MED4: variants seen among roughly 807,000 people sequenced by gnomAD.
The protein encoded by MED4 is mediator of RNA polymerase II transcription subunit 4.
In MED4, 21 loss-of-function variants were observed where a neutral mutation model predicts 35.0. That is an observed-to-expected ratio of 0.60 (90% CI 0.43 to 0.86). MED4 has a LOEUF of 0.86. Among genes scored for constraint, MED4 ranks in the 40% least tolerant of loss-of-function variants. The probability of loss-of-function intolerance (pLI) is 0.00; values close to 1 mark genes in which losing one functional copy is unlikely to be tolerated. For missense variants in MED4, 300 were observed against 319.4 expected (o/e 0.94, Z 0.46); for synonymous variants, 138 against 114.0 (o/e 1.21, Z -1.34).
intron 1 of MED4, among the ~76,000 whole-genome samples, chr13:48,091,478 T>C (rs1490895396): frequency 2.0e-5 from 3 of 152,230 alleles, no homozygotes; most frequent in Non-Finnish European, 4.4e-5. Context: ...TACCTTCAAA[T>C]TTCCACCTTC....
intron 2 of MED4, 103 bp downstream of exon 2, chr13:48,090,249 C>A: frequency 1.2e-6 from 1 of 869,114 alleles, no homozygotes. Context: ...CATTCCTGTT[C>A]CCACACAAAG....
intron 3 of MED4, among the ~76,000 whole-genome samples, chr13:48,083,933 T>C (rs1443172907): frequency 6.6e-6 from 1 of 152,170 alleles, no homozygotes; most frequent in African/African-American, 2.4e-5. Flanking sequence ...TAACCTAGTA[T>C]ATGCATATCT....
rs1950754640 is a variant in MED4 at position 48,075,852 on chromosome 13, A to C, written c.*1287T>G. 6.6e-6 allele frequency: 1 copy of C among 152,218 alleles called. No individual in the cohort carries two copies. The highest frequency in any genetic ancestry group is 1.5e-5 in the Non-Finnish European group (1 of 68,040). The allele number at this position is 152,218 out of a possible 1,614,324, so 9.4% of individuals were successfully genotyped here. On this transcript the variant is annotated 3_prime_UTR_variant, in exon 7 of 7. Transcript: ENST00000258648. ...CCTAAAAATAACCCTGGAGGGAAAG[A>C]CATTCAAACATTGTATGTCCTTAAT...
intron 4 of MED4, 39 bp from the exon 5 acceptor site, chr13:48,081,770 AAC>A (rs756034558): frequency 2.3e-6 from 3 of 1,290,112 alleles, no homozygotes; most frequent in African/African-American, 1.5e-5. Context: ...CCTGTAGTCT[AAC>A]AAACATACAA....
intron 2 of MED4, among the ~76,000 whole-genome samples, chr13:48,087,185 G>A (rs1593546653): frequency 6.6e-6 from 1 of 151,894 alleles, no homozygotes; most frequent in African/African-American, 2.4e-5. Context: ...GACCAACATG[G>A]AGAAACCCCA....
At chr13:48,087,132 G>A (rs1237688892) in intron 2 of MED4, among the ~76,000 whole-genome samples, 3 of 151,860 alleles carry the variant, frequency 2.0e-5, no homozygotes, top group African/African-American at 4.8e-5. Context: ...TTGGGAGGCC[G>A]AGGCAGGCGA....
At chr13:48,087,853 A>G (rs77350157) in intron 2 of MED4, among the ~76,000 whole-genome samples, 1 of 142,578 alleles carries the variant, frequency 7.0e-6, no homozygotes, top group Non-Finnish European at 1.6e-5. Context: ...TCGTCTCAGG[A>G]AAAAAAAAAA....
intron 6 of MED4, among the ~76,000 whole-genome samples, chr13:48,077,840 G>T (rs1372616957): frequency 6.6e-6 from 1 of 152,018 alleles, no homozygotes; most frequent in Non-Finnish European, 1.5e-5. Flanking sequence ...AAACTATTTA[G>T]TCAGTTGACA....
intron 3 of MED4, among the ~76,000 whole-genome samples, chr13:48,085,999 C>T (rs1289550388): frequency 6.7e-6 from 1 of 149,898 alleles, no homozygotes; most frequent in Non-Finnish European, 1.5e-5. Context: ...TTATATCAGA[C>T]CAGGATAAAA....
At chr13:48,091,650 A>T (rs1021856241) in intron 1 of MED4, among the ~76,000 whole-genome samples, 5 of 152,222 alleles carry the variant, frequency 3.3e-5, no homozygotes, top group African/African-American at 1.2e-4. Flanking sequence ...TCAAATATTT[A>T]TTGAGTGCCT....
At chr13:48,080,112 T>A (rs1593542275) in intron 5 of MED4, 137 bp from the exon 6 acceptor site, 2 of 952,376 alleles carry the variant, frequency 2.1e-6, no homozygotes, top group African/African-American at 3.3e-5. Context: ...ACAGAAGTCA[T>A]CTGGCCAGGT....
Position 48,077,325 on chromosome 13 carries a change from G to C in MED4, c.641-14C>G. 1 of 1,460,144 alleles carries C rather than the reference G, an allele frequency of 6.8e-7. No homozygotes were observed. The highest frequency in any genetic ancestry group is 9.0e-7 in the Non-Finnish European group (1 of 1,107,726). 90.4% of individuals were successfully genotyped at this position (1,460,144 alleles called of 1,614,324 possible). ...GAGCAAGGACATCTGGAGAAAAAAA[G>C]AAGCATAGATAAGAACAGCTCTATC... is the stretch of plus-strand genomic sequence containing the variant. On this transcript the variant is annotated splice_polypyrimidine_tract_variant and intron_variant, in intron 6 of 6. Transcript: ENST00000258648.
At chr13:48,077,351 T>G in intron 6 of MED4, 40 bp from the exon 7 acceptor site, 3 of 1,377,112 alleles carry the variant, frequency 2.2e-6, no homozygotes, top group Non-Finnish European at 2.9e-6. Context: ...CAGCTCTATC[T>G]GTAATTAATC....
chr13:48,093,706 AAC>A (rs1950905783), intron 1 of MED4: 1 of 308,710 alleles, frequency 3.2e-6, no homozygotes, highest in Admixed American at 4.5e-5. Context: ...GTTTATTTTA[AAC>A]AGTGGATCAA....
intron 1 of MED4, among the ~76,000 whole-genome samples, chr13:48,091,091 CAT>C (rs1383455055): frequency 2.0e-5 from 3 of 152,110 alleles, no homozygotes; most frequent in African/African-American, 7.2e-5. Context: ...AGTGAATGAA[CAT>C]ATGTTTATAT....
Position 48,090,505 on chromosome 13 carries a change from T to A in MED4, c.126-87A>T, listed in dbSNP as rs577846584. On this transcript the variant is annotated intron_variant, in intron 1 of 6. Transcript: ENST00000258648. ...ACTCCCTACAGTCCGCTATTGACTG[T>A]GAACTACAGCTCACCAAGACTCGCT... is the stretch of plus-strand genomic sequence containing the variant. 9 of 1,001,754 alleles carry A rather than the reference T, an allele frequency of 9.0e-6. No homozygotes were observed. In the East Asian group the frequency reaches 2.4e-4, roughly 26 times the overall value. The allele number at this position is 1,001,754 out of a possible 1,614,324, so 62.1% of individuals were successfully genotyped here.
At position 48,076,387 on chromosome 13, in the gene MED4, A is replaced by T. The variant is rs1950758849; in HGVS notation, c.*752T>A. The stretch of plus-strand genomic sequence containing the variant: ...TCACACAATCTATTCTTAAAATCAG[A>T]CAAGGCTGTGGTAAATTTTTTCAAT... On this transcript the variant is annotated 3_prime_UTR_variant, in exon 7 of 7. Transcript: ENST00000258648. 6.6e-6 allele frequency: 1 copy of T among 152,186 alleles called. No homozygotes were observed. The highest frequency in any genetic ancestry group is 1.5e-5 in the Non-Finnish European group (1 of 68,002). The allele number at this position is 152,186 out of a possible 1,614,324, so 9.4% of individuals were successfully genotyped here. A position where few individuals can be genotyped will look rare whatever the true frequency, so the allele number is the denominator to read the frequency against.
chr13:48,086,288 T>C lies in MED4; in HGVS notation c.357A>G (p.Gln119=). Reference sequence around the variant, plus strand: ...CCAACCTCTGTCAACTTACCAGTATTTGTTCTGCTTCCTTTAGCTGTTTTT... The same window carrying C: ...CCAACCTCTGTCAACTTACCAGTATCTGTTCTGCTTCCTTTAGCTGTTTTT... ...QLQKQLKEAE[Q]ILATAVYQAK... Residue 119 remains glutamine (Q), a synonymous_variant, in exon 3 of 7, where the codon CAA becomes CAG. Transcript: ENST00000258648. 6.2e-7 allele frequency: 1 copy of C among 1,613,632 alleles called. No individual in the cohort carries two copies. Among genetic ancestry groups the C allele is most frequent in the Non-Finnish European group, 8.5e-7 (1 of 1,179,830 alleles).
In MED4 at chr13:48,079,872, T is replaced by A. The variant is rs960401490; in HGVS notation, c.612A>T (p.Gly204=). 4.3e-6 allele frequency: 7 copies of A among 1,613,728 alleles called. No homozygotes were observed. The African/African-American group carries it at 8.0e-5, about 18-fold the overall frequency. ...STNGVNGHLP[G]DALAAGRLPD... is the part of the protein sequence containing the mutation. Reference sequence around the variant, plus strand: ...GCAATCTTCCTGCTGCAAGTGCATCTCCTGGTAAATGGCCATTCACGCCAT... The same window carrying A: ...GCAATCTTCCTGCTGCAAGTGCATCACCTGGTAAATGGCCATTCACGCCAT... Residue 204 remains glycine, a synonymous_variant, in exon 6 of 7, where the codon GGA becomes GGT. Transcript: ENST00000258648.
Sources: allele counts gnomAD v4.1 joint callset (sites outside exome capture counted in the v4.1 genomes callset), GRCh38; gene constraint gnomAD v4.1.1; transcripts MANE v1.5; gene names NCBI Gene and HGNC (gene_info 2026-07-23, HGNC 2026-07-21).